TENM2: variants seen among roughly 807,000 people sequenced by gnomAD.
TENM2 encodes the protein teneurin transmembrane protein 2.
In TENM2, 52 loss-of-function variants were observed where a neutral mutation model predicts 245.2. The ratio of observed to expected loss-of-function variants is 0.21; its 90% CI spans 0.17 to 0.27. TENM2 has a LOEUF of 0.27. Among genes scored for constraint, TENM2 ranks in the 10% least tolerant of loss-of-function variants. The pLI is 1.00. For missense variants in TENM2, 3,046 were observed against 3,666.8 expected (o/e 0.83, Z 4.37); for synonymous variants, 1,363 against 1,438.9 (o/e 0.95, Z 1.19).
At chr5:167,810,987 C>T (rs1416593839) in intron 2 of TENM2, among the ~76,000 whole-genome samples, 3 of 152,138 alleles carry the variant, frequency 2.0e-5, no homozygotes, top group Admixed American at 2.0e-4. Flanking sequence ...ATAATGCAAC[C>T]AGACAATAGT....
intron 1 of TENM2, among the ~76,000 whole-genome samples, chr5:167,359,187 A>G (rs1035781277): frequency 6.6e-6 from 1 of 152,104 alleles, no homozygotes; most frequent in Non-Finnish European, 1.5e-5. Flanking sequence ...TGCAATGGCT[A>G]TTTCACTGAA....
At chr5:168,059,839 A>G (rs890359681) in intron 6 of TENM2, among the ~76,000 whole-genome samples, 3 of 152,200 alleles carry the variant, frequency 2.0e-5, no homozygotes, top group African/African-American at 7.2e-5. Flanking sequence ...AATAATACTT[A>G]TTTTGTGCCA....
chr5:167,404,933 C>T (rs1296586030), intron 2 of TENM2, among the ~76,000 whole-genome samples: 1 of 152,114 alleles, frequency 6.6e-6, no homozygotes, highest in Non-Finnish European at 1.5e-5. Context: ...AGCAGTCATT[C>T]CCATTCCCCT....
chr5:167,376,396 T>C (rs1361834310), intron 2 of TENM2, among the ~76,000 whole-genome samples: 3 of 152,204 alleles, frequency 2.0e-5, no homozygotes, highest in Non-Finnish European at 2.9e-5. Flanking sequence ...CAGTTAAGAA[T>C]GTTTATATAA....
At chr5:167,335,830 T>C (rs1273388663) in intron 1 of TENM2, among the ~76,000 whole-genome samples, 1 of 152,208 alleles carries the variant, frequency 6.6e-6, no homozygotes, top group Non-Finnish European at 1.5e-5. Context: ...CTTCTGTGTA[T>C]TGTTCTCAGG....
chr5:168,204,493 T>C, exon 19 of TENM2: 2 of 1,614,022 alleles, frequency 1.2e-6, no homozygotes, highest in Non-Finnish European at 1.7e-6. Flanking sequence ...ACGGCCTTGC[T>C]GAAGGCAACA....
At chr5:167,607,321 C>T (rs1226061222) in intron 2 of TENM2, among the ~76,000 whole-genome samples, 3 of 152,120 alleles carry the variant, frequency 2.0e-5, no homozygotes, top group Admixed American at 6.6e-5. Flanking sequence ...CAGCGCTGCT[C>T]GATCATTGAG....
chr5:168,190,333 C>T lies in TENM2; in HGVS notation c.2570-4C>T. The T allele has an allele frequency of 6.2e-7, 1 of 1,612,250 alleles. No homozygotes were observed. The highest frequency in any genetic ancestry group is 8.5e-7 in the Non-Finnish European group (1 of 1,179,090). On this transcript the variant is annotated splice_polypyrimidine_tract_variant and splice_region_variant and intron_variant, in intron 13 of 28. Transcript: ENST00000518659. ...TGACTCTGGCTCTGCCTCTGCCCTT[C>T]CAGATGGCCTGGTGGATTGTTTGGA...
intron 2 of TENM2, among the ~76,000 whole-genome samples, chr5:167,744,385 G>A (rs141603867): frequency 2.7e-4 from 41 of 152,236 alleles, no homozygotes; most frequent in African/African-American, 6.5e-4. Context: ...TCTGGCCCCT[G>A]TTGTGAAAAG....
At chr5:167,010,614 G>A in the TENM2 span, among the ~76,000 whole-genome samples, 2 of 152,148 alleles carry the variant, frequency 1.3e-5, no homozygotes, top group Non-Finnish European at 2.9e-5. Context: ...ATTCTGCCAC[G>A]TTATGATGAT....
At chr5:167,165,227 G>A in the TENM2 span, 1 of 152,196 alleles carries the variant, frequency 6.6e-6, no homozygotes, top group African/African-American at 2.4e-5. Context: ...AATGCACACT[G>A]GTGGGAGTGG....
At chr5:167,284,582 A>G (rs1771227628), upstream of TENM2, among the ~76,000 whole-genome samples, 1 of 152,234 alleles carries the variant, frequency 6.6e-6, no homozygotes, top group Admixed American at 6.5e-5. Flanking sequence ...AAATTAATTT[A>G]CTGTATCGAG....
upstream of TENM2, among the ~76,000 whole-genome samples, chr5:167,280,313 A>G (rs925269328): frequency 2.0e-5 from 3 of 152,158 alleles, no homozygotes; most frequent in African/African-American, 7.2e-5. Context: ...AAGGATGGTG[A>G]AAAGTTCTGA....
chr5:167,730,667 T>G (rs552051654), intron 2 of TENM2, among the ~76,000 whole-genome samples: 1 of 152,266 alleles, frequency 6.6e-6, no homozygotes, highest in Non-Finnish European at 1.5e-5. Flanking sequence ...GGGTTTGTTC[T>G]GTGGACTTCT....
At chr5:167,648,526 T>C (rs1232522245) in intron 2 of TENM2, among the ~76,000 whole-genome samples, 4 of 152,090 alleles carry the variant, frequency 2.6e-5, no homozygotes, top group Non-Finnish European at 4.4e-5. Flanking sequence ...ATCTGGACCA[T>C]ATGGTCACGT....
chr5:167,998,590 GT>G (rs1784220520), intron 5 of TENM2, among the ~76,000 whole-genome samples: 1 of 152,168 alleles, frequency 6.6e-6, no homozygotes, highest in African/African-American at 2.4e-5. Flanking sequence ...ACTTCACGGG[GT>G]TGGTAAGGGA....
the TENM2 span, among the ~76,000 whole-genome samples, chr5:167,189,903 T>A: frequency 6.4e-4 from 97 of 152,304 alleles, no homozygotes; most frequent in South Asian, 1.7e-3. Flanking sequence ...TTGCATAGTA[T>A]AAATTATCTG....
At chr5:167,097,039 C>T in the TENM2 span, among the ~76,000 whole-genome samples, 1 of 152,140 alleles carries the variant, frequency 6.6e-6, no homozygotes, top group Non-Finnish European at 1.5e-5. Flanking sequence ...CTGCCGGGTT[C>T]AGACTTCACT....
Position 167,358,005 on chromosome 5 carries a change from G to A in TENM2, c.227-17193G>A, listed in dbSNP as rs565733165. Among the ~76,000 whole-genome samples the A allele has an allele frequency of 3.3e-5, 5 of 152,242 alleles. No individual in the cohort carries two copies. The East Asian group carries it at 9.7e-4, about 29-fold the overall frequency. On this transcript the variant is annotated intron_variant, in intron 1 of 28. Transcript: ENST00000518659. ...AGCGTTCACCTGTGTGCAACATCAC[G>A]GTCCCACTGGTCTATTAGAGGTTGC...
Sources: gnomAD v4.1 joint callset for allele counts (sites outside exome capture counted in the v4.1 genomes callset) on GRCh38, gnomAD v4.1.1 for gene constraint, MANE v1.5 for transcripts, NCBI Gene and HGNC (gene_info 2026-07-23, HGNC 2026-07-21) for gene names.